Variants in PPARGC1A observed in about 807,000 individuals in gnomAD.
PPARGC1A encodes the protein peroxisome proliferator-activated receptor gamma coactivator 1-alpha.
Under a neutral mutation model 88.7 loss-of-function variants are expected in PPARGC1A, and 25 were observed. The observed-to-expected ratio is 0.28, with a 90% CI of 0.21 to 0.39. PPARGC1A has a LOEUF of 0.39. Ranked by LOEUF, PPARGC1A falls within the 10% of genes least tolerant of loss-of-function variation. The pLI is 1.00. For synonymous variants in PPARGC1A, 363 were observed against 355.6 expected (o/e 1.02, Z -0.24); for missense variants, 880 against 968.7 (o/e 0.91, Z 1.22).
chr4:24,420,244 G>T, the PPARGC1A span, among the ~76,000 whole-genome samples: 1 of 152,162 alleles, frequency 6.6e-6, no homozygotes, highest in Non-Finnish European at 1.5e-5. Context: ...TAATAGCCTG[G>T]TAAATCTCAG....
chr4:23,907,723 T>C (rs1378403495), upstream of PPARGC1A, among the ~76,000 whole-genome samples: 1 of 140,404 alleles, frequency 7.1e-6, no homozygotes, highest in East Asian at 2.3e-4. Flanking sequence ...TAAATGCCCT[T>C]TTCTACGTAG....
chr4:24,177,218 A>T, the PPARGC1A span, among the ~76,000 whole-genome samples: 2 of 152,222 alleles, frequency 1.3e-5, no homozygotes, highest in Non-Finnish European at 2.9e-5. Context: ...GAACCAACCC[A>T]AATGTCCAAC....
chr4:24,217,579 G>T, the PPARGC1A span, among the ~76,000 whole-genome samples: 2,497 of 152,250 alleles, frequency 0.016, 82 homozygotes, highest in African/African-American at 0.057. Flanking sequence ...GAGGCAGGCA[G>T]ATCACCTGAG....
the PPARGC1A span, among the ~76,000 whole-genome samples, chr4:24,443,111 C>T: frequency 6.6e-6 from 1 of 152,058 alleles, no homozygotes; most frequent in African/African-American, 2.4e-5. Flanking sequence ...ATTGGTTAAC[C>T]TCATGAAGTT....
At chr4:24,255,510 C>G in the PPARGC1A span, among the ~76,000 whole-genome samples, 1 of 152,142 alleles carries the variant, frequency 6.6e-6, no homozygotes, top group Non-Finnish European at 1.5e-5. Context: ...TTACGGCTTT[C>G]CATCTAAGAA....
At position 23,844,703 on chromosome 4, in the gene PPARGC1A, C is replaced by CATATATTATATGATATATATTATT. The variant is rs1480900432; in HGVS notation, c.235-12953_235-12952insAATAATATATATCATATAATATAT. Among the ~76,000 whole-genome samples the CATATATTATATGATATATATTATT allele has an allele frequency of 6.4e-4, 54 of 84,478 alleles. 1 individual carries two copies. The highest frequency in any genetic ancestry group is 2.8e-3 in the African/African-American group (52 of 18,478). 55.4% of individuals were successfully genotyped at this position (84,478 alleles called of 152,430 possible). A position where few individuals can be genotyped will look rare whatever the true frequency, so the allele number is the denominator to read the frequency against. On this transcript the variant is annotated intron_variant, in intron 2 of 12. Coordinates refer to ENST00000264867, the MANE Select transcript of PPARGC1A (RefSeq NM_013261.5). ...ATATATCATATAATATATGATCTATCATAATATATGATATATATTATTATA... is the reference window on the plus strand; with the variant it reads ...ATATATCATATAATATATGATCTATCATATATTATATGATATATATTATTATAATATATGATATATATTATTATA...
chr4:24,093,856 G>GT, the PPARGC1A span, among the ~76,000 whole-genome samples: 1 of 152,228 alleles, frequency 6.6e-6, no homozygotes, highest in African/African-American at 2.4e-5. Flanking sequence ...CTGAGACCTG[G>GT]TTTCCATGTG....
the PPARGC1A span, among the ~76,000 whole-genome samples, chr4:24,288,079 C>G: frequency 2.6e-5 from 4 of 152,128 alleles, no homozygotes; most frequent in African/African-American, 4.8e-5. Context: ...TGGATTTTCC[C>G]TCAACATCTA....
At chr4:23,852,017 T>C (rs1163666937) in intron 2 of PPARGC1A, among the ~76,000 whole-genome samples, 1 of 152,160 alleles carries the variant, frequency 6.6e-6, no homozygotes, top group Admixed American at 6.5e-5. Context: ...AACCAAGAGT[T>C]TCAGAAGCCA....
intron 2 of PPARGC1A, among the ~76,000 whole-genome samples, chr4:23,858,536 A>G (rs1390313918): frequency 1.3e-5 from 2 of 152,192 alleles, no homozygotes; most frequent in Non-Finnish European, 2.9e-5. Flanking sequence ...TGGGATACAA[A>G]GAGAAGAGAA....
chr4:24,161,110 G>A, the PPARGC1A span, among the ~76,000 whole-genome samples: 2 of 152,206 alleles, frequency 1.3e-5, no homozygotes, highest in East Asian at 1.9e-4. Flanking sequence ...CTACTGACTG[G>A]TCCTAAATAA....
the PPARGC1A span, among the ~76,000 whole-genome samples, chr4:24,284,266 G>A: frequency 3.9e-5 from 6 of 152,116 alleles, no homozygotes; most frequent in Admixed American, 6.5e-5. Flanking sequence ...CCGAGATCAC[G>A]CCACTGCACT....
At chr4:24,436,446 T>G in the PPARGC1A span, among the ~76,000 whole-genome samples, 1 of 150,884 alleles carries the variant, frequency 6.6e-6, no homozygotes, top group Middle Eastern at 3.2e-3. Context: ...AGAGCTGACA[T>G]CGATTGGCCA....
chr4:23,976,538 C>T, the PPARGC1A span, among the ~76,000 whole-genome samples: 3 of 152,268 alleles, frequency 2.0e-5, no homozygotes, highest in South Asian at 4.1e-4. Context: ...TTATGTCTCA[C>T]CCTACCACCA....
At chr4:24,314,920 A>C in the PPARGC1A span, among the ~76,000 whole-genome samples, 2 of 152,018 alleles carry the variant, frequency 1.3e-5, no homozygotes, top group East Asian at 3.9e-4. Flanking sequence ...TCCACTACCT[A>C]AAAACCCAAA....
the PPARGC1A span, among the ~76,000 whole-genome samples, chr4:23,936,562 C>T: frequency 1.6e-4 from 25 of 152,134 alleles, no homozygotes; most frequent in African/African-American, 5.8e-4. Context: ...CATGGACAAA[C>T]CCCATCTCTA....
the PPARGC1A span, among the ~76,000 whole-genome samples, chr4:23,919,811 A>G: frequency 1.3e-5 from 2 of 152,208 alleles, no homozygotes; most frequent in Admixed American, 6.5e-5. Flanking sequence ...TTAGCAGAAC[A>G]TACAGATAGA....
At chr4:24,333,940 C>CAAAAAAAAAAAAAA in the PPARGC1A span, among the ~76,000 whole-genome samples, 1 of 13,826 alleles carries the variant, frequency 7.2e-5, no homozygotes, top group African/African-American at 1.9e-4. Context: ...ACAACAACAA[C>CAAAAAAAAAAAAAA]AAAAAAAAAA....
intron 2 of PPARGC1A, among the ~76,000 whole-genome samples, chr4:23,837,389 G>GA (rs5856796): frequency 4.9e-5 from 7 of 144,198 alleles, no homozygotes; most frequent in African/African-American, 1.8e-4. Flanking sequence ...ATGATTAATA[G>GA]AAAAAAAAAA....
Sources: gnomAD v4.1 joint callset for allele counts (sites outside exome capture counted in the v4.1 genomes callset) on GRCh38, gnomAD v4.1.1 for gene constraint, MANE v1.5 for transcripts, NCBI Gene and HGNC (gene_info 2026-07-23, HGNC 2026-07-21) for gene names.